Variants in FHL1 observed in about 807,000 individuals in gnomAD.
FHL1 encodes the protein four and a half LIM domains protein 1.
A neutral mutation model predicts 20.3 loss-of-function variants in FHL1; 1 was observed. The observed-to-expected ratio is 0.05, with a 90% CI of 0.02 to 0.23. The LOEUF (loss-of-function observed/expected upper bound fraction) is 0.23, where lower values mean the gene tolerates loss of function less well. Ranked by LOEUF, FHL1 falls within the 10% of genes least tolerant of loss-of-function variation. The pLI is 1.00. For synonymous variants in FHL1, 82 were observed against 88.9 expected, an observed-to-expected ratio of 0.92 and a Z score of 0.44; for missense variants, 177 against 234.0, an observed-to-expected ratio of 0.76 and a Z score of 1.59.
At position 136,176,573 on chromosome X, in the gene FHL1, T is replaced by C. The variant is rs748519129; in HGVS notation, c.-27+6593T>C. On this transcript the variant is annotated intron_variant, in intron 2 of 6. Transcript: ENST00000394153. ...AAGGGTGGGGGATGGCTTTTGCCTC[T>C]TTTGCCTGCCCTTTGCTTCAGTGAG... is the stretch of plus-strand genomic sequence containing the variant. Among the ~76,000 whole-genome samples, 6 of 111,798 alleles carry C rather than the reference T, an allele frequency of 5.4e-5. No individual in the cohort carries two copies. In the South Asian group the frequency reaches 2.3e-3, roughly 42 times the overall value.
chrX:136,170,224 C>T (rs1245121300), intron 2 of FHL1, among the ~76,000 whole-genome samples: 5 of 112,028 alleles, frequency 4.5e-5, no homozygotes, highest in African/African-American at 1.3e-4. Flanking sequence ...CCAGGCACAA[C>T]AGAACTATTT....
rs2073040828 is a variant in FHL1 at position 136,177,595 on chromosome X, T to C, written c.-27+7615T>C. ...CTCTAAGAATAAGCTCACATGTGAA[T>C]TTTCTTTGAAACCCCAAAACAAAGG... On this transcript the variant is annotated intron_variant, in intron 2 of 6. Transcript: ENST00000394153. Among the ~76,000 whole-genome samples the C allele has an allele frequency of 2.7e-5, 3 of 112,206 alleles. No homozygotes were observed. The Admixed American group carries it at 2.8e-4, about 11-fold the overall frequency.
Position 136,210,679 on chromosome X carries a change from A to G in FHL1, c.*654A>G, listed in dbSNP as rs908973197. ...TGTTTTCTGAGCGTTCCTACTTTAAAGCATGGAACATGCAGGTGATTTGGG... is the reference window on the plus strand; with the variant it reads ...TGTTTTCTGAGCGTTCCTACTTTAAGGCATGGAACATGCAGGTGATTTGGG... On this transcript the variant is annotated 3_prime_UTR_variant, in exon 6 of 6. Coordinates refer to ENST00000370683, the MANE Select transcript of FHL1 (RefSeq NM_001159699.2). The G allele has an allele frequency of 1.1e-4, 43 of 388,540 alleles. 1 individual carries two copies. The Admixed American group carries it at 1.2e-3, about 11-fold the overall frequency. 32.0% of individuals were successfully genotyped at this position (388,540 alleles called of 1,213,427 possible). A position where few individuals can be genotyped will look rare whatever the true frequency, so the allele number is the denominator to read the frequency against.
intron 1 of FHL1, among the ~76,000 whole-genome samples, chrX:136,149,238 C>T (rs762354931): frequency 5.3e-5 from 6 of 112,259 alleles, no homozygotes; most frequent in South Asian, 7.4e-4. Flanking sequence ...CTCAGCTCAT[C>T]TCCAAGAACC....
intron 3 of FHL1, 65 bp from the exon 4 acceptor site, chrX:136,207,727 A>G: frequency 8.7e-7 from 1 of 1,147,115 alleles, no homozygotes; most frequent in Non-Finnish European, 1.2e-6. Flanking sequence ...TGGGGAGGGG[A>G]GCTGAGTGGA....
intron 2 of FHL1, among the ~76,000 whole-genome samples, chrX:136,191,644 A>G (rs1314840960): frequency 1.8e-5 from 2 of 112,210 alleles, no homozygotes; most frequent in South Asian, 3.7e-4. Context: ...TGTATTAATT[A>G]TAGTTTTTTG....
intron 2 of FHL1, among the ~76,000 whole-genome samples, chrX:136,175,319 G>A: frequency 8.9e-6 from 1 of 112,619 alleles, no homozygotes. Context: ...AAAACACAAT[G>A]TTAATATGGT....
In FHL1 at chrX:136,182,469, C is replaced by T. The variant is rs769809710; in HGVS notation, c.-27+12489C>T. Among the ~76,000 whole-genome samples, 7 of 112,313 alleles carry T rather than the reference C, an allele frequency of 6.2e-5. No homozygotes were observed. In the East Asian group the frequency reaches 1.4e-3, roughly 22 times the overall value. On this transcript the variant is annotated intron_variant, in intron 2 of 6. Coordinates refer to the FHL1 transcript ENST00000394153. ...GAATGGTATGGAGATGAAAGGTTCT[C>T]GTGTATGGCTTTTGCTCCTATTTAT... is the stretch of plus-strand genomic sequence containing the variant.
At chrX:136,187,528 C>T (rs1238133373) in intron 2 of FHL1, among the ~76,000 whole-genome samples, 1 of 111,979 alleles carries the variant, frequency 8.9e-6, no homozygotes, top group Non-Finnish European at 1.9e-5. Flanking sequence ...AAACATTATA[C>T]TAAGGGAAAG....
At chrX:136,208,850 A>G (rs2073923433) in intron 5 of FHL1, among the ~76,000 whole-genome samples, 1 of 107,016 alleles carries the variant, frequency 9.3e-6, no homozygotes, top group African/African-American at 3.4e-5. Context: ...CTGACTGTTG[A>G]CTAACAATGC....
chrX:136,169,664 C>T (rs976000464), exon 1 of FHL1: 3 of 290,046 alleles, frequency 1.0e-5, no homozygotes, highest in African/African-American at 5.5e-5. Flanking sequence ...TGAGCTAATA[C>T]GGCTTGATAA....
intron 1 of FHL1, among the ~76,000 whole-genome samples, chrX:136,163,965 A>C (rs1177581913): frequency 8.9e-6 from 1 of 111,912 alleles, no homozygotes; most frequent in East Asian, 2.8e-4. Flanking sequence ...GTGAGTTTTT[A>C]TTTTATCATT....
At chrX:136,207,636 C>A in intron 3 of FHL1, 156 bp from the exon 4 acceptor site, 1 of 564,186 alleles carries the variant, frequency 1.8e-6, no homozygotes, top group Non-Finnish European at 2.9e-6. Context: ...TTGGCACAAG[C>A]ACAAGTAGAA....
At chrX:136,147,031 G>A (rs1163950651), upstream of FHL1, 3 of 278,217 alleles carry the variant, frequency 1.1e-5, no homozygotes, top group African/African-American at 8.4e-5. Flanking sequence ...GGACCCCGGT[G>A]AGGCGAGACG....
At chrX:136,205,867 G>T (rs1457995646) in intron 1 of FHL1, among the ~76,000 whole-genome samples, 2 of 111,382 alleles carry the variant, frequency 1.8e-5, no homozygotes, top group African/African-American at 3.3e-5. Context: ...TGACAACGTG[G>T]TGGGCTTAGA....
upstream of FHL1, among the ~76,000 whole-genome samples, chrX:136,166,429 T>C (rs1015309796): frequency 9.0e-6 from 1 of 111,570 alleles, no homozygotes; most frequent in Admixed American, 9.5e-5. Flanking sequence ...GCAAGGACTT[T>C]CTGGAAAGGA....
chrX:136,203,457 A>G (rs1283288716), intron 1 of FHL1, among the ~76,000 whole-genome samples: 1 of 112,164 alleles, frequency 8.9e-6, no homozygotes, highest in Non-Finnish European at 1.9e-5. Flanking sequence ...TATGGGTACT[A>G]TTAACTTGGG....
At chrX:136,196,757 G>T (rs777062465), upstream of FHL1, 132 of 1,114,059 alleles carry the variant, frequency 1.2e-4, no homozygotes, top group African/African-American at 1.4e-3. Flanking sequence ...TTGGCTCAGC[G>T]TTAAGCTATG....
chrX:136,148,949 A>G (rs771106974), intron 1 of FHL1, among the ~76,000 whole-genome samples: 52 of 112,332 alleles, frequency 4.6e-4, no homozygotes, highest in African/African-American at 1.7e-3. Flanking sequence ...CCTTGTATTC[A>G]TTTAAATTAT....
Sources: allele counts gnomAD v4.1 joint callset (sites outside exome capture counted in the v4.1 genomes callset), GRCh38; gene constraint gnomAD v4.1.1; transcripts MANE v1.5; gene names NCBI Gene and HGNC (gene_info 2026-07-23, HGNC 2026-07-21).